ANK3: variants seen among roughly 807,000 people sequenced by gnomAD.
ANK3 encodes ankyrin-3.
Under a neutral mutation model 370.9 loss-of-function variants are expected in ANK3, and 57 were observed. The observed-to-expected ratio is 0.15, with a 90% confidence interval of 0.12 to 0.19. The LOEUF is 0.19. Ranked by LOEUF, ANK3 falls within the 10% of genes least tolerant of loss-of-function variation. The probability of loss-of-function intolerance (pLI) is 1.00; values close to 1 mark genes in which losing one functional copy is unlikely to be tolerated. For missense variants in ANK3, 4,439 were observed against 5,302.1 expected, an observed-to-expected ratio of 0.84 and a Z score of 5.06; for synonymous variants, 1,929 against 1,946.3, an observed-to-expected ratio of 0.99 and a Z score of 0.23.
chr10:60,048,200 C>T (rs558693739), intron 42 of ANK3, among the ~76,000 whole-genome samples: 66 of 152,238 alleles, frequency 4.3e-4, no homozygotes, highest in Admixed American at 1.3e-3. Flanking sequence ...CCACCCCAGA[C>T]TAGTTTTCAG....
At chr10:60,661,353 A>G (rs1001283165) in intron 1 of ANK3, among the ~76,000 whole-genome samples, 10 of 152,186 alleles carry the variant, frequency 6.6e-5, no homozygotes, top group Non-Finnish European at 1.3e-4. Context: ...AGCCAGAAAT[A>G]AAACTACTGT....
At chr10:60,676,821 CT>C (rs903286615) in intron 1 of ANK3, among the ~76,000 whole-genome samples, 2 of 152,132 alleles carry the variant, frequency 1.3e-5, no homozygotes, top group Admixed American at 6.5e-5. Flanking sequence ...TGCTAGTGTT[CT>C]TTAGCACAGT....
rs1246822116 is a variant in ANK3, at chr10:60,170,260, A to AAAAGACATTCTCTTTT, written c.2478+2032_2478+2047dup. On this transcript the variant is annotated intron_variant, in intron 21 of 43. Coordinates refer to ENST00000280772, the MANE Select transcript of ANK3 (RefSeq NM_020987.5). Reference sequence around the variant, plus strand: ...CACATCATGTATTTTACTCACATGGAAAAGACATTCTCTTTTTGTTTTGAA... The same window carrying AAAAGACATTCTCTTTT: ...CACATCATGTATTTTACTCACATGGAAAAGACATTCTCTTTTAAAGACATTCTCTTTTTGTTTTGAA... Among the ~76,000 whole-genome samples, 3 of 152,340 alleles carry AAAAGACATTCTCTTTT rather than the reference A, an allele frequency of 2.0e-5. No individual in the cohort carries two copies. In the South Asian group the frequency reaches 6.2e-4, roughly 32 times the overall value.
chr10:60,329,451 C>A (rs1333009465), intron 1 of ANK3, among the ~76,000 whole-genome samples: 1 of 152,116 alleles, frequency 6.6e-6, no homozygotes, highest in Non-Finnish European at 1.5e-5. Context: ...GATACAAAAC[C>A]AATATGCAGA....
chr10:60,217,110 T>TATC (rs1236405339), intron 8 of ANK3, among the ~76,000 whole-genome samples: 4 of 152,210 alleles, frequency 2.6e-5, no homozygotes, highest in Non-Finnish European at 5.9e-5. Flanking sequence ...TCAGTGGTGA[T>TATC]ATCCCCTTTG....
At chr10:60,416,585 A>C (rs1374805824) in intron 2 of ANK3, among the ~76,000 whole-genome samples, 1 of 152,212 alleles carries the variant, frequency 6.6e-6, no homozygotes, top group Non-Finnish European at 1.5e-5. Context: ...TTACATTAGG[A>C]AACTTTTGGA....
intron 8 of ANK3, among the ~76,000 whole-genome samples, chr10:60,214,541 GTGT>G (rs1296499183): frequency 6.6e-6 from 1 of 152,076 alleles, no homozygotes; most frequent in Non-Finnish European, 1.5e-5. Flanking sequence ...GCCCTGGTGT[GTGT>G]TGTTCCTCTC....
intron 1 of ANK3, among the ~76,000 whole-genome samples, chr10:60,302,655 G>A (rs1566409632): frequency 2.0e-5 from 3 of 152,146 alleles, no homozygotes; most frequent in African/African-American, 4.8e-5. Context: ...AAGGCCACAC[G>A]CTGGCAGCAA....
intron 1 of ANK3, among the ~76,000 whole-genome samples, chr10:60,311,492 A>T (rs1001637717): frequency 7.0e-5 from 10 of 142,874 alleles, no homozygotes; most frequent in Admixed American, 5.8e-4. Flanking sequence ...AAAAAAAAAA[A>T]AAAGAGAGAG....
intron 2 of ANK3, among the ~76,000 whole-genome samples, chr10:60,395,958 C>T (rs2063230081): frequency 6.6e-6 from 1 of 152,146 alleles, no homozygotes. Context: ...TTTCGCTACC[C>T]ATGAAACTTA....
intron 2 of ANK3, among the ~76,000 whole-genome samples, chr10:60,470,231 TTTG>T (rs1469900643): frequency 3.3e-5 from 5 of 152,240 alleles, no homozygotes; most frequent in Non-Finnish European, 5.9e-5. Flanking sequence ...TTTACAGCTC[TTTG>T]TTGTTATTTT....
At position 60,432,104 on chromosome 10, in the gene ANK3, G is replaced by T. The variant is rs1468081603; in HGVS notation, c.97-152465C>A. Among the ~76,000 whole-genome samples, 6 of 152,180 alleles carry T rather than the reference G, an allele frequency of 3.9e-5. No homozygotes were observed. The East Asian group carries it at 1.2e-3, about 29-fold the overall frequency. ...CTGTTTATAAATAAGTACTTGACTT[G>T]CAAAGTGGATATTGGCAGTATCACA... On this transcript the variant is annotated intron_variant, in intron 2 of 43. Transcript: ENST00000373827.
rs139508418 is a variant in ANK3 at position 60,040,295 on chromosome 10, T to C, written c.*19+2377A>G. Among the ~76,000 whole-genome samples, 1,145 of 152,248 alleles carry C rather than the reference T, an allele frequency of 7.5e-3. 56 individuals are homozygous for C. Among genetic ancestry groups the C allele is most frequent in the Admixed American group, 0.065 (997 of 15,288 alleles). On this transcript the variant is annotated intron_variant, in intron 43 of 43. Transcript: ENST00000280772. ...CATTCTACTTGCTTAGTTTTCTTTT[T>C]TTTTTTTTAAAGAGGCAGCCAGCAT...
At chr10:60,699,876 A>G (rs1460475678) in intron 1 of ANK3, among the ~76,000 whole-genome samples, 3 of 152,218 alleles carry the variant, frequency 2.0e-5, no homozygotes, top group African/African-American at 7.2e-5. Flanking sequence ...AGGAAATCAC[A>G]TCATCAACAA....
chr10:60,062,769 A>T (rs1228943754), intron 40 of ANK3: 1 of 167,256 alleles, frequency 6.0e-6, no homozygotes, highest in East Asian at 1.7e-4. Flanking sequence ...CGAATAAAAG[A>T]GGTAACTAGT....
chr10:60,276,639 A>G (rs1403002676), intron 4 of ANK3, among the ~76,000 whole-genome samples: 1 of 152,194 alleles, frequency 6.6e-6, no homozygotes, highest in East Asian at 1.9e-4. Flanking sequence ...TTGAAATTAG[A>G]ACTAATTAGG....
At chr10:60,719,459 T>G (rs114768836) in intron 1 of ANK3, among the ~76,000 whole-genome samples, 5,950 of 152,234 alleles carry the variant, frequency 0.039, 150 homozygotes, top group Middle Eastern at 0.071. Context: ...TTGTACCAAT[T>G]GATGCTCAAA....
At chr10:60,288,650 G>C (rs375111227) in intron 1 of ANK3, among the ~76,000 whole-genome samples, 1 of 152,142 alleles carries the variant, frequency 6.6e-6, no homozygotes, top group Non-Finnish European at 1.5e-5. Context: ...TGGGACGGGG[G>C]AGTAGGCGAA....
At chr10:60,321,110 G>T (rs904350876) in intron 1 of ANK3, among the ~76,000 whole-genome samples, 5 of 152,158 alleles carry the variant, frequency 3.3e-5, no homozygotes, top group African/African-American at 1.2e-4. Flanking sequence ...ATCATAGTTG[G>T]CTGGGCATGG....
Sources: allele counts gnomAD v4.1 joint callset (sites outside exome capture counted in the v4.1 genomes callset), GRCh38; gene constraint gnomAD v4.1.1; transcripts MANE v1.5; gene names NCBI Gene and HGNC (gene_info 2026-07-23, HGNC 2026-07-21).